The following MAGI2 variants were observed in gnomAD, a reference collection of about 807,000 sequenced individuals.
The protein encoded by MAGI2 is membrane associated guanylate kinase, WW and PDZ domain containing 2.
MAGI2 carries 35 observed loss-of-function variants against 133.3 expected under a neutral mutation model. That is an observed-to-expected ratio of 0.26 (90% confidence interval 0.20 to 0.35). The LOEUF (loss-of-function observed/expected upper bound fraction) is 0.35. Ranked by LOEUF, MAGI2 falls within the 10% of genes least tolerant of loss-of-function variation. MAGI2 has a pLI of 1.00. For missense variants in MAGI2, 1,636 were observed against 1,863.4 expected, an observed-to-expected ratio of 0.88 and a Z score of 2.25; for synonymous variants, 729 against 710.6, an observed-to-expected ratio of 1.03 and a Z score of -0.41.
intron 1 of MAGI2, among the ~76,000 whole-genome samples, chr7:79,203,504 T>C (rs986738996): frequency 2.0e-5 from 3 of 152,022 alleles, no homozygotes; most frequent in Non-Finnish European, 2.9e-5. Context: ...GAGAGGTAGA[T>C]AATGACAAAG....
chr7:78,661,401 T>C (rs902673860), intron 2 of MAGI2, among the ~76,000 whole-genome samples: 3 of 152,214 alleles, frequency 2.0e-5, no homozygotes, highest in East Asian at 1.9e-4. Flanking sequence ...ATGACCCAGA[T>C]ACAAAACTCT....
At chr7:78,133,086 A>T (rs1451623798) in intron 17 of MAGI2, 26 bp from the exon 18 acceptor site, 13 of 1,518,722 alleles carry the variant, frequency 8.6e-6, no homozygotes, top group African/African-American at 1.4e-5. Context: ...AAAGCGGCAG[A>T]TGCAGTCAGG....
chr7:78,903,471 A>C (rs907100176), intron 2 of MAGI2, among the ~76,000 whole-genome samples: 1 of 152,184 alleles, frequency 6.6e-6, no homozygotes, highest in Admixed American at 6.5e-5. Flanking sequence ...CTGGGATTAC[A>C]GGCGTGAGCC....
chr7:79,218,385 A>T (rs1830195191), intron 1 of MAGI2, among the ~76,000 whole-genome samples: 1 of 152,060 alleles, frequency 6.6e-6, no homozygotes, highest in South Asian at 2.1e-4. Context: ...TTAGAGACAG[A>T]CGCCGTCAGG....
At chr7:78,564,314 C>A (rs1473169) in intron 3 of MAGI2, among the ~76,000 whole-genome samples, 122,775 of 152,090 alleles carry the variant, frequency 0.81, 49,716 homozygotes, top group East Asian at 0.88. Flanking sequence ...CAACCCTGAG[C>A]GTCAACACTT....
chr7:78,570,919 C>T (rs904809310), intron 3 of MAGI2, among the ~76,000 whole-genome samples: 1 of 152,060 alleles, frequency 6.6e-6, no homozygotes, highest in Non-Finnish European at 1.5e-5. Flanking sequence ...CTAGCTGTAA[C>T]AATTCAATAT....
At chr7:78,602,145 G>A (rs1474633632) in intron 3 of MAGI2, among the ~76,000 whole-genome samples, 2 of 151,998 alleles carry the variant, frequency 1.3e-5, no homozygotes, top group Non-Finnish European at 2.9e-5. Context: ...AATTTCAGGA[G>A]ATTAAGTACT....
intron 1 of MAGI2, among the ~76,000 whole-genome samples, chr7:79,116,813 C>A (rs1182492736): frequency 6.6e-6 from 1 of 152,154 alleles, no homozygotes; most frequent in Non-Finnish European, 1.5e-5. Flanking sequence ...TCTTGCTCCC[C>A]CTGTCACCAT....
chr7:78,197,456 A>G lies in MAGI2; in HGVS notation c.2080-2393T>C, dbSNP rs192142617. 2.8e-4 allele frequency among the ~76,000 whole-genome samples: 42 copies of G among 152,364 alleles called. 1 individual carries two copies. The highest frequency in any genetic ancestry group is 3.4e-3 in the Middle Eastern group (1 of 294). Reference sequence around the variant, plus strand: ...TTCCATTGAGGGTTACTTCATACCCAAATGTGTCTTGCTGGTATATGTATT... The same window carrying G: ...TTCCATTGAGGGTTACTTCATACCCGAATGTGTCTTGCTGGTATATGTATT... On this transcript the variant is annotated intron_variant, in intron 11 of 21. Transcript: ENST00000354212.
intron 3 of MAGI2, among the ~76,000 whole-genome samples, chr7:78,576,227 T>G (rs973478153): frequency 1.3e-5 from 2 of 152,104 alleles, no homozygotes; most frequent in Admixed American, 6.6e-5. Flanking sequence ...AGTTTAGAAC[T>G]TTTTCAAGAA....
At chr7:78,982,255 T>C (rs749148257) in intron 2 of MAGI2, among the ~76,000 whole-genome samples, 6 of 151,924 alleles carry the variant, frequency 3.9e-5, no homozygotes, top group Admixed American at 2.0e-4. Flanking sequence ...AATTAAAAAA[T>C]TGTCATTAAA....
chr7:78,040,679 G>C (rs1810736171), intron 21 of MAGI2, among the ~76,000 whole-genome samples: 1 of 152,212 alleles, frequency 6.6e-6, no homozygotes, highest in African/African-American at 2.4e-5. Context: ...AGACAGCCCT[G>C]AGTCAGGTCA....
At chr7:78,404,160 A>T (rs1025236201) in intron 6 of MAGI2, among the ~76,000 whole-genome samples, 3 of 152,152 alleles carry the variant, frequency 2.0e-5, no homozygotes, top group African/African-American at 7.2e-5. Flanking sequence ...TCCTCAATGA[A>T]ATAAAAGAGG....
chr7:78,805,344 T>C (rs1460551906), intron 2 of MAGI2, among the ~76,000 whole-genome samples: 1 of 152,090 alleles, frequency 6.6e-6, no homozygotes. Context: ...TGGGTGCTCA[T>C]TTAATCATGT....
Position 78,487,078 on chromosome 7 carries a change from G to A in MAGI2, c.1045+2683C>T, listed in dbSNP as rs139165786. On this transcript the variant is annotated intron_variant, in intron 6 of 21. Transcript: ENST00000354212. ...GGCAGAGGGACTTTTGATAGGCTACGGTCCTGTTCTCCTGTGTATCACACT... is the reference window on the plus strand; with the variant it reads ...GGCAGAGGGACTTTTGATAGGCTACAGTCCTGTTCTCCTGTGTATCACACT... 3.5e-4 allele frequency: 146 copies of A among 419,348 alleles called. 2 individuals carry two copies. The East Asian group carries it at 7.0e-3, about 20-fold the overall frequency. 26.0% of individuals were successfully genotyped at this position (419,348 alleles called of 1,614,324 possible). A position where few individuals can be genotyped will look rare whatever the true frequency, so the allele number is the denominator to read the frequency against.
At chr7:78,679,902 A>G (rs953311910) in intron 2 of MAGI2, among the ~76,000 whole-genome samples, 1 of 152,168 alleles carries the variant, frequency 6.6e-6, no homozygotes, top group South Asian at 2.1e-4. Flanking sequence ...AAAGCAAACA[A>G]CAAAGTCAGC....
intron 1 of MAGI2, chr7:79,125,494 C>T (rs187366629): frequency 9.4e-5 from 48 of 512,856 alleles, no homozygotes; most frequent in Middle Eastern, 6.1e-4. Context: ...AGGAAGCAGA[C>T]GCTATGGAAG....
At chr7:79,000,670 G>T (rs1005927385) in intron 2 of MAGI2, among the ~76,000 whole-genome samples, 2 of 152,114 alleles carry the variant, frequency 1.3e-5, no homozygotes, top group African/African-American at 4.8e-5. Flanking sequence ...CATAATTTTT[G>T]AAGAGCCTGC....
intron 2 of MAGI2, among the ~76,000 whole-genome samples, chr7:78,892,262 C>T (rs1169979280): frequency 6.6e-6 from 1 of 152,156 alleles, no homozygotes; most frequent in Non-Finnish European, 1.5e-5. Context: ...ATTCCATGCT[C>T]ATGGGTAGGA....
Sources: gnomAD v4.1 joint callset for allele counts (sites outside exome capture counted in the v4.1 genomes callset) on GRCh38, gnomAD v4.1.1 for gene constraint, MANE v1.5 for transcripts, NCBI Gene and HGNC (gene_info 2026-07-23, HGNC 2026-07-21) for gene names.